DYRK4: variants seen among roughly 807,000 people sequenced by gnomAD.
DYRK4 encodes dual specificity tyrosine-phosphorylation-regulated kinase 4.
DYRK4 carries 64 observed loss-of-function variants against 68.3 expected under a neutral mutation model. The ratio of observed to expected loss-of-function variants is 0.94; its 90% CI spans 0.77 to 1.15. The LOEUF is 1.15. DYRK4 is among the 50% of genes most tolerant of loss of function. The pLI, the probability that DYRK4 is intolerant of heterozygous loss-of-function variation, is 0.00. For missense variants in DYRK4, 740 were observed against 764.7 expected, an observed-to-expected ratio of 0.97 and a Z score of 0.38; for synonymous variants, 274 against 289.9, an observed-to-expected ratio of 0.95 and a Z score of 0.56.
intron 1 of DYRK4, among the ~76,000 whole-genome samples, chr12:4,567,647 T>C (rs1944690845): frequency 6.6e-6 from 1 of 152,208 alleles, no homozygotes; most frequent in Non-Finnish European, 1.5e-5. Flanking sequence ...AAGGGGATAT[T>C]ATGTTTGTGG....
chr12:4,597,686 C>T (rs1315444694), intron 8 of DYRK4, among the ~76,000 whole-genome samples: 2 of 152,134 alleles, frequency 1.3e-5, no homozygotes, highest in Non-Finnish European at 2.9e-5. Context: ...GAGGGAGTTG[C>T]CCAGGTGACT....
chr12:4,605,584 C>T (rs1945135798), intron 11 of DYRK4, among the ~76,000 whole-genome samples: 2 of 152,000 alleles, frequency 1.3e-5, no homozygotes, highest in South Asian at 2.1e-4. Context: ...TAAAAATTTC[C>T]TGATACCGTA....
In DYRK4 at chr12:4,613,767, T is replaced by C. The variant is rs533527339; in HGVS notation, c.*14T>C. The stretch of plus-strand genomic sequence containing the variant: ...CCTATTGTATGACCTTTGCTGAGGG[T>C]ATGTCCTGCTCCTTTCCACCAGTGA... On this transcript the variant is annotated 3_prime_UTR_variant, in exon 15 of 15. Coordinates refer to ENST00000543431, the MANE Select transcript of DYRK4 (RefSeq NM_001394779.1). The surrounding 1 kb of genome is among the most constrained non-coding windows in gnomAD (Gnocchi z 4.0). 1.3e-5 allele frequency: 20 copies of C among 1,519,322 alleles called. No individual in the cohort carries two copies. The South Asian group carries it at 1.7e-4, about 13-fold the overall frequency. The allele number at this position is 1,519,322 out of a possible 1,614,324, so 94.1% of individuals were successfully genotyped here. A position where few individuals can be genotyped will look rare whatever the true frequency, so the allele number is the denominator to read the frequency against.
chr12:4,598,940 C>T, intron 8 of DYRK4, 88 bp from the exon 9 acceptor site: 1 of 1,480,504 alleles, frequency 6.8e-7, no homozygotes, highest in East Asian at 2.3e-5. Flanking sequence ...TAGACGGAAA[C>T]CAGGTGATAC....
In DYRK4 at chr12:4,590,449, A is replaced by G; in HGVS notation, c.324+9A>G. ...CATCCCTGCTGTATCAGGTGAGTGC[A>G]GACGGACTGGACCCTGAGAAGGCAG... On this transcript the variant is annotated intron_variant, in intron 4 of 14. Transcript: ENST00000543431. 1 of 1,535,422 alleles carries G rather than the reference A, an allele frequency of 6.5e-7. No individual in the cohort carries two copies. Among genetic ancestry groups the G allele is most frequent in the Non-Finnish European group, 8.7e-7 (1 of 1,146,620 alleles).
chr12:4,573,640 A>G (rs776631769), intron 2 of DYRK4, among the ~76,000 whole-genome samples: 4 of 152,150 alleles, frequency 2.6e-5, no homozygotes, highest in South Asian at 2.1e-4. Context: ...GGTGTGTGTT[A>G]TAGCAGTGTT....
chr12:4,583,973 G>T (rs760348306), intron 2 of DYRK4, among the ~76,000 whole-genome samples: 3 of 152,200 alleles, frequency 2.0e-5, no homozygotes, highest in Non-Finnish European at 4.4e-5. Context: ...AGTGGGACTG[G>T]TCTTGAAGTT....
intron 10 of DYRK4, among the ~76,000 whole-genome samples, chr12:4,604,079 G>A (rs1945112263): frequency 6.6e-6 from 1 of 152,056 alleles, no homozygotes; most frequent in South Asian, 2.1e-4. Flanking sequence ...AATACTACTT[G>A]CTTCACAGAA....
chr12:4,567,846 T>C, intron 1 of DYRK4, 109 bp from the exon 2 acceptor site: 1 of 912,556 alleles, frequency 1.1e-6, no homozygotes, highest in Non-Finnish European at 1.7e-6. Flanking sequence ...TTTAGGCCTG[T>C]TGCCTTCTTT....
chr12:4,575,658 G>T (rs1417863797), intron 2 of DYRK4, among the ~76,000 whole-genome samples: 1 of 152,048 alleles, frequency 6.6e-6, no homozygotes, highest in East Asian at 1.9e-4. Flanking sequence ...TAATGAGATT[G>T]AACCGTTTTT....
At chr12:4,582,446 A>G (rs970026342) in intron 2 of DYRK4, among the ~76,000 whole-genome samples, 2 of 151,764 alleles carry the variant, frequency 1.3e-5, no homozygotes, top group Non-Finnish European at 2.9e-5. Context: ...CTCAAATAAA[A>G]TGAAATGAAA....
At position 4,578,696 on chromosome 12, in the gene DYRK4, A is replaced by G. The variant is rs562252285; in HGVS notation, c.133-10241A>G. On this transcript the variant is annotated intron_variant, in intron 2 of 14. Coordinates refer to ENST00000543431, the MANE Select transcript of DYRK4 (RefSeq NM_001394779.1). ...AGCACCTTGTTGTCTTGTATCTTTT[A>G]ACTTTTTACTAGTCTTGTTTTGTGG... Among the ~76,000 whole-genome samples, 6 of 152,278 alleles carry G rather than the reference A, an allele frequency of 3.9e-5. No individual in the cohort carries two copies. The East Asian group carries it at 1.2e-3, about 29-fold the overall frequency.
chr12:4,574,382 A>G lies in DYRK4; in HGVS notation c.132+6334A>G, dbSNP rs953527300. On this transcript the variant is annotated intron_variant, in intron 2 of 14. Transcript: ENST00000543431. Reference sequence around the variant, plus strand: ...TTCTTTATCTGTTTCTAAACCTTCTAAACTATGTATTGGCTCATTTTGCAT... The same window carrying G: ...TTCTTTATCTGTTTCTAAACCTTCTGAACTATGTATTGGCTCATTTTGCAT... Among the ~76,000 whole-genome samples, 6 of 152,266 alleles carry G rather than the reference A, an allele frequency of 3.9e-5. No homozygotes were observed. In the South Asian group the frequency reaches 1.2e-3, roughly 32 times the overall value.
intron 4 of DYRK4, 78 bp downstream of exon 4, chr12:4,590,518 C>A: frequency 2.0e-6 from 3 of 1,505,346 alleles, no homozygotes; most frequent in Non-Finnish European, 2.6e-6. Flanking sequence ...TAGAAAGGCC[C>A]AGGATAGTGG....
At chr12:4,597,928 T>C (rs1945036724) in intron 8 of DYRK4, among the ~76,000 whole-genome samples, 1 of 151,890 alleles carries the variant, frequency 6.6e-6, no homozygotes, top group Non-Finnish European at 1.5e-5. Context: ...TAGCCGGGCG[T>C]GGTGGTGCGT....
At chr12:4,565,708 C>T (rs572992017) in intron 1 of DYRK4, among the ~76,000 whole-genome samples, 3 of 151,980 alleles carry the variant, frequency 2.0e-5, no homozygotes, top group African/African-American at 4.8e-5. Flanking sequence ...TCACTGCAAC[C>T]TCTGCCTTCC....
chr12:4,572,988 G>A (rs572749166), intron 2 of DYRK4: 3 of 262,648 alleles, frequency 1.1e-5, no homozygotes, highest in East Asian at 1.2e-4. Flanking sequence ...ATCCTGATCC[G>A]ACCATTTGGT....
chr12:4,583,113 G>GT (rs1050903539), intron 2 of DYRK4, among the ~76,000 whole-genome samples: 18 of 152,044 alleles, frequency 1.2e-4, no homozygotes, highest in African/African-American at 4.3e-4. Context: ...GTAAGAAATC[G>GT]TAACAATTTG....
chr12:4,602,064 A>G (rs1591804537), intron 10 of DYRK4: 4 of 401,570 alleles, frequency 1.0e-5, no homozygotes, highest in Non-Finnish European at 1.8e-5. Context: ...TGCATGTTGC[A>G]TCTTTCTCAA....
Sources: gnomAD v4.1 joint callset for allele counts (sites outside exome capture counted in the v4.1 genomes callset) on GRCh38, gnomAD v4.1.1 for gene constraint, Gnocchi (gnomAD v3.1) non-coding constraint, MANE v1.5 for transcripts, NCBI Gene and HGNC (gene_info 2026-07-23, HGNC 2026-07-21) for gene names.